The following GRIK2 variants were observed in gnomAD, a reference collection of about 807,000 sequenced individuals.
The protein encoded by GRIK2 is glutamate ionotropic receptor kainate type subunit 2.
In GRIK2, 32 loss-of-function variants were observed where a neutral mutation model predicts 100.3. That is an observed-to-expected ratio of 0.32 (90% confidence interval 0.24 to 0.43). GRIK2 has a LOEUF of 0.43. Ranked by LOEUF, GRIK2 falls within the 20% of genes least tolerant of loss-of-function variation. GRIK2 has a pLI of 1.00. For missense variants in GRIK2, 843 were observed against 1,114.9 expected (o/e 0.76, Z 3.47); for synonymous variants, 417 against 389.4 (o/e 1.07, Z -0.83).
At chr6:102,012,229 A>G (rs947729550) in intron 14 of GRIK2, among the ~76,000 whole-genome samples, 3 of 152,076 alleles carry the variant, frequency 2.0e-5, no homozygotes, top group Admixed American at 6.6e-5. Context: ...CCAATACCAC[A>G]CTATGTTGAT....
chr6:101,958,477 AT>A (rs1361500653), intron 14 of GRIK2, among the ~76,000 whole-genome samples: 3 of 152,064 alleles, frequency 2.0e-5, no homozygotes, highest in Non-Finnish European at 4.4e-5. Context: ...GTTAACATAT[AT>A]CATTTGACGT....
chr6:101,557,245 A>G (rs1776791458), intron 2 of GRIK2, among the ~76,000 whole-genome samples: 2 of 152,210 alleles, frequency 1.3e-5, no homozygotes, highest in African/African-American at 4.8e-5. Flanking sequence ...TTGTTAGACC[A>G]TTCAAGTACC....
At position 102,048,358 on chromosome 6, in the gene GRIK2, TG is replaced by T. The variant is rs553376030; in HGVS notation, c.2312-6969del. On this transcript the variant is annotated intron_variant, in intron 15 of 16. Transcript: ENST00000369134. The stretch of plus-strand genomic sequence containing the variant: ...GGCAACAAAAGCAAAAATAGACAAA[TG>T]GGATTACATCAAACTAAAAGTTTCT... Among the ~76,000 whole-genome samples the T allele has an allele frequency of 1.5e-3, 226 of 151,670 alleles. 5 individuals are homozygous for T. Among genetic ancestry groups the T allele is most frequent in the Middle Eastern group, 0.01 (3 of 294 alleles).
chr6:101,782,532 T>G (rs1022234078), intron 7 of GRIK2, among the ~76,000 whole-genome samples: 5 of 152,186 alleles, frequency 3.3e-5, no homozygotes, highest in Admixed American at 3.3e-4. Context: ...GCAAATGACA[T>G]GATTTCATTT....
intron 7 of GRIK2, among the ~76,000 whole-genome samples, chr6:101,792,865 C>T (rs985673357): frequency 6.6e-6 from 1 of 152,090 alleles, no homozygotes; most frequent in Non-Finnish European, 1.5e-5. Context: ...TAGATTTGGT[C>T]TTTTCACATA....
At chr6:102,029,271 C>A (rs1769860889) in intron 14 of GRIK2, among the ~76,000 whole-genome samples, 1 of 151,200 alleles carries the variant, frequency 6.6e-6, no homozygotes, top group Non-Finnish European at 1.5e-5. Flanking sequence ...CACTGAAAGA[C>A]ACTAGCCATT....
intron 6 of GRIK2, among the ~76,000 whole-genome samples, chr6:101,683,010 C>A (rs575330522): frequency 2.4e-4 from 37 of 152,136 alleles, no homozygotes; most frequent in African/African-American, 8.9e-4. Flanking sequence ...TCAAGAACAG[C>A]ATGACCAATA....
intron 10 of GRIK2, among the ~76,000 whole-genome samples, chr6:101,831,298 T>G (rs2128428121): frequency 6.6e-6 from 1 of 152,250 alleles, no homozygotes; most frequent in South Asian, 2.1e-4. Context: ...AGTTTTTGAT[T>G]TTCACAAACC....
intron 2 of GRIK2, among the ~76,000 whole-genome samples, chr6:101,609,708 A>T (rs944366783): frequency 2.0e-5 from 3 of 151,864 alleles, no homozygotes; most frequent in African/African-American, 7.2e-5. Context: ...CTCACACTAC[A>T]TGTGAGGCAC....
At chr6:101,991,529 A>G (rs940596260) in intron 14 of GRIK2, among the ~76,000 whole-genome samples, 17 of 151,232 alleles carry the variant, frequency 1.1e-4, no homozygotes, top group African/African-American at 3.9e-4. Flanking sequence ...CAAAATAAAT[A>G]TAATATTAAA....
chr6:101,500,485 CTT>C (rs1197336872), intron 2 of GRIK2, among the ~76,000 whole-genome samples: 1 of 152,050 alleles, frequency 6.6e-6, no homozygotes, highest in Non-Finnish European at 1.5e-5. Context: ...GTTAACGTGA[CTT>C]TGCAGATAAC....
chr6:101,558,983 C>T (rs1776871663), intron 2 of GRIK2, among the ~76,000 whole-genome samples: 1 of 152,020 alleles, frequency 6.6e-6, no homozygotes, highest in South Asian at 2.1e-4. Context: ...CGTTCATTAT[C>T]TCCACCTTCC....
rs192033928 is a variant in GRIK2 at position 101,901,381 on chromosome 6, T to C, written c.1748+11518T>C. ...GAATCCAGTTTTGAATGTCTAATTA[T>C]AGTTTTTATTTTACTTTGACATTTG... On this transcript the variant is annotated intron_variant, in intron 12 of 16. Coordinates refer to ENST00000369134, the MANE Select transcript of GRIK2 (RefSeq NM_021956.5). Among the ~76,000 whole-genome samples the C allele has an allele frequency of 5.8e-3, 875 of 152,140 alleles. 11 individuals are homozygous for C. The highest frequency in any genetic ancestry group is 0.02 in the African/African-American group (833 of 41,560).
intron 14 of GRIK2, among the ~76,000 whole-genome samples, chr6:101,937,383 C>T (rs1237298258): frequency 1.3e-5 from 2 of 152,068 alleles, no homozygotes; most frequent in Non-Finnish European, 2.9e-5. Flanking sequence ...AGTGAGAAAA[C>T]TCAAAAGTCA....
intron 2 of GRIK2, among the ~76,000 whole-genome samples, chr6:101,443,777 C>T (rs543620383): frequency 3.9e-5 from 6 of 152,002 alleles, no homozygotes; most frequent in South Asian, 2.1e-4. Context: ...AGAATACTAC[C>T]GGAAAACATT....
At chr6:102,030,533 A>T (rs141101610) in intron 14 of GRIK2, among the ~76,000 whole-genome samples, 1 of 151,242 alleles carries the variant, frequency 6.6e-6, no homozygotes, top group African/African-American at 2.4e-5. Flanking sequence ...TAAAATAACC[A>T]AGAAACTCTC....
chr6:101,995,934 T>C (rs996706325), intron 14 of GRIK2, among the ~76,000 whole-genome samples: 2 of 152,070 alleles, frequency 1.3e-5, no homozygotes, highest in Non-Finnish European at 2.9e-5. Flanking sequence ...TACAATTCTA[T>C]TTAGATAAAT....
At chr6:101,767,989 G>T (rs1205540963) in intron 7 of GRIK2, among the ~76,000 whole-genome samples, 1 of 151,934 alleles carries the variant, frequency 6.6e-6, no homozygotes, top group African/African-American at 2.4e-5. Context: ...CTTCCAAGTA[G>T]CTGGGACCAC....
At chr6:101,724,307 G>A (rs891322639) in intron 7 of GRIK2, among the ~76,000 whole-genome samples, 1 of 151,960 alleles carries the variant, frequency 6.6e-6, no homozygotes, top group Non-Finnish European at 1.5e-5. Flanking sequence ...AGTAAACATA[G>A]TATCCAATAG....
Sources: allele counts gnomAD v4.1 joint callset (sites outside exome capture counted in the v4.1 genomes callset), GRCh38; gene constraint gnomAD v4.1.1; transcripts MANE v1.5; gene names NCBI Gene and HGNC (gene_info 2026-07-23, HGNC 2026-07-21).